CPEB3: variants seen among roughly 807,000 people sequenced by gnomAD.
CPEB3 encodes cytoplasmic polyadenylation element binding protein 3.
CPEB3 carries 20 observed loss-of-function variants against 67.2 expected under a neutral mutation model. The observed-to-expected ratio is 0.30, with a 90% CI of 0.21 to 0.43. The LOEUF (loss-of-function observed/expected upper bound fraction) is 0.43. Ranked by LOEUF, CPEB3 falls within the 20% of genes least tolerant of loss-of-function variation. The probability of loss-of-function intolerance (pLI) is 1.00; values close to 1 mark genes in which losing one functional copy is unlikely to be tolerated. For synonymous variants in CPEB3, 376 were observed against 393.1 expected, an observed-to-expected ratio of 0.96 and a Z score of 0.51; for missense variants, 746 against 968.6, an observed-to-expected ratio of 0.77 and a Z score of 3.05.
intron 5 of CPEB3, among the ~76,000 whole-genome samples, 175 bp from the exon 6 acceptor site, chr10:92,143,293 T>C (rs1816489377): frequency 6.6e-6 from 1 of 152,238 alleles, no homozygotes; most frequent in Non-Finnish European, 1.5e-5. Context: ...GGTGTACATT[T>C]GGTTATTCAC....
intron 6 of CPEB3, among the ~76,000 whole-genome samples, 200 bp downstream of exon 6, chr10:92,142,829 C>A (rs1406882341): frequency 6.6e-6 from 1 of 152,164 alleles, no homozygotes; most frequent in African/African-American, 2.4e-5. Context: ...AAAATCGGTG[C>A]CATGAAACAA....
chr10:92,180,670 A>G (rs1303228209), intron 4 of CPEB3, among the ~76,000 whole-genome samples: 1 of 152,180 alleles, frequency 6.6e-6, no homozygotes, highest in South Asian at 2.1e-4. Context: ...GCAATTTTCA[A>G]ACTTTAGCCT....
At chr10:92,163,602 T>G (rs1442634060) in intron 4 of CPEB3, among the ~76,000 whole-genome samples, 1 of 152,172 alleles carries the variant, frequency 6.6e-6, no homozygotes, top group African/African-American at 2.4e-5. Flanking sequence ...GTTAAGACCT[T>G]AAAGTTTGAA....
intron 9 of CPEB3, among the ~76,000 whole-genome samples, chr10:92,067,155 A>G (rs1281377618): frequency 6.6e-6 from 1 of 151,942 alleles, no homozygotes; most frequent in Non-Finnish European, 1.5e-5. Flanking sequence ...TTAGTTTTTC[A>G]ACTATGAGCT....
At chr10:92,198,065 C>T (rs1326383730) in intron 2 of CPEB3, among the ~76,000 whole-genome samples, 1 of 152,184 alleles carries the variant, frequency 6.6e-6, no homozygotes, top group Admixed American at 6.5e-5. Flanking sequence ...GAGATCACGC[C>T]ATTGCACTCC....
At chr10:92,108,796 T>C (rs1844592380) in intron 7 of CPEB3, among the ~76,000 whole-genome samples, 1 of 152,220 alleles carries the variant, frequency 6.6e-6, no homozygotes, top group Admixed American at 6.5e-5. Context: ...AGATTAATTC[T>C]ACTAATTATT....
intron 2 of CPEB3, among the ~76,000 whole-genome samples, chr10:92,238,968 T>C (rs1252736778): frequency 1.3e-5 from 2 of 152,148 alleles, no homozygotes; most frequent in African/African-American, 4.8e-5. Context: ...CTGAAATGTG[T>C]AGCTACTCAA....
intron 2 of CPEB3, among the ~76,000 whole-genome samples, chr10:92,206,476 C>T (rs1363728731): frequency 6.6e-6 from 1 of 152,156 alleles, no homozygotes; most frequent in African/African-American, 2.4e-5. Context: ...CTTTGTCACT[C>T]AGGCTGGAGT....
chr10:92,183,169 G>C (rs1330506582), intron 3 of CPEB3, among the ~76,000 whole-genome samples: 1 of 152,004 alleles, frequency 6.6e-6, no homozygotes, highest in African/African-American at 2.4e-5. Flanking sequence ...AGCCATATGA[G>C]TAAAATCTAA....
At chr10:92,172,411 G>A (rs890095814) in intron 4 of CPEB3, among the ~76,000 whole-genome samples, 1 of 152,170 alleles carries the variant, frequency 6.6e-6, no homozygotes, top group Non-Finnish European at 1.5e-5. Flanking sequence ...ACTATGTTCT[G>A]AAAGTAACAC....
chr10:92,180,354 A>G (rs1848408431), intron 4 of CPEB3, among the ~76,000 whole-genome samples: 1 of 152,196 alleles, frequency 6.6e-6, no homozygotes, highest in African/African-American at 2.4e-5. Context: ...ACCATGAAAA[A>G]ATTCTGAGTT....
intron 7 of CPEB3, among the ~76,000 whole-genome samples, chr10:92,100,622 C>G (rs1480581122): frequency 6.6e-6 from 1 of 151,070 alleles, no homozygotes; most frequent in Non-Finnish European, 1.5e-5. Flanking sequence ...GACAGAGTCT[C>G]GCTCTGTAGC....
chr10:92,280,068 C>T (rs1262457226), intron 1 of CPEB3, among the ~76,000 whole-genome samples: 3 of 151,098 alleles, frequency 2.0e-5, no homozygotes, highest in Non-Finnish European at 3.0e-5. Flanking sequence ...AGAGGCCAGG[C>T]GTGGTGGCTC....
At chr10:92,245,072 G>C (rs970943331) in intron 1 of CPEB3, among the ~76,000 whole-genome samples, 4 of 150,750 alleles carry the variant, frequency 2.7e-5, no homozygotes, top group Non-Finnish European at 5.9e-5. Flanking sequence ...CTGATTTGCA[G>C]CATACTGTAA....
intron 1 of CPEB3, among the ~76,000 whole-genome samples, chr10:92,244,075 G>A (rs1299023270): frequency 6.6e-6 from 1 of 152,092 alleles, no homozygotes; most frequent in Non-Finnish European, 1.5e-5. Context: ...TGCCGGGCAG[G>A]GTGGCTCATG....
intron 7 of CPEB3, among the ~76,000 whole-genome samples, chr10:92,106,230 T>C (rs1343750054): frequency 1.3e-5 from 2 of 151,080 alleles, no homozygotes; most frequent in African/African-American, 4.9e-5. Flanking sequence ...TATTAACCTT[T>C]TTTTTTTTTT....
chr10:92,242,383 T>C (rs1202532369), intron 1 of CPEB3, among the ~76,000 whole-genome samples: 4 of 152,234 alleles, frequency 2.6e-5, no homozygotes, highest in Middle Eastern at 3.2e-3. Context: ...TTGATCAGTA[T>C]TGCAAAATAC....
chr10:92,131,463 G>A (rs1590205392), intron 6 of CPEB3, among the ~76,000 whole-genome samples: 1 of 152,300 alleles, frequency 6.6e-6, no homozygotes, highest in African/African-American at 2.4e-5. Context: ...AAAGAAGAAT[G>A]CTGATCCAGC....
intron 2 of CPEB3, among the ~76,000 whole-genome samples, chr10:92,195,561 T>C (rs1435511057): frequency 6.6e-6 from 1 of 152,136 alleles, no homozygotes; most frequent in African/African-American, 2.4e-5. Flanking sequence ...TGATAACCTA[T>C]TTCTGGCACT....
Sources: gnomAD v4.1 joint callset for allele counts (sites outside exome capture counted in the v4.1 genomes callset) on GRCh38, gnomAD v4.1.1 for gene constraint, MANE v1.5 for transcripts, NCBI Gene and HGNC (gene_info 2026-07-23, HGNC 2026-07-21) for gene names.